MCFD2: variants seen among roughly 807,000 people sequenced by gnomAD.
The protein encoded by MCFD2 is multiple coagulation factor deficiency 2, ER cargo receptor complex subunit.
Under a neutral mutation model 12.8 loss-of-function variants are expected in MCFD2, and 11 were observed. The observed-to-expected ratio is 0.86, with a 90% CI of 0.54 to 1.42. The LOEUF is 1.42. MCFD2 is among the 40% of genes most tolerant of loss of function. The pLI, the probability that MCFD2 is intolerant of heterozygous loss-of-function variation, is 0.00. For missense variants in MCFD2, 191 were observed against 178.6 expected (o/e 1.07, Z -0.40); for synonymous variants, 70 against 68.1 (o/e 1.03, Z -0.14).
At chr2:46,919,706 T>C (rs1668999551), upstream of MCFD2, among the ~76,000 whole-genome samples, 2 of 152,224 alleles carry the variant, frequency 1.3e-5, no homozygotes, top group African/African-American at 4.8e-5. Context: ...GAATTCCTTC[T>C]AACAGGGAGT....
intron 1 of MCFD2, chr2:46,910,720 G>A (rs1449980409): frequency 1.3e-5 from 2 of 152,126 alleles, no homozygotes; most frequent in Non-Finnish European, 2.9e-5. Flanking sequence ...CCTCCTTAAA[G>A]GGGACAATAG....
intron 1 of MCFD2, among the ~76,000 whole-genome samples, chr2:46,924,139 G>C (rs1469513877): frequency 1.3e-5 from 2 of 151,564 alleles, no homozygotes; most frequent in African/African-American, 4.9e-5. Flanking sequence ...AGGAAGTCAA[G>C]GCTGCAGTGA....
At chr2:46,915,806 G>GGGGGGGGGGGGGGCCCCCCCCCCCCCC, upstream of MCFD2, 1 of 512,580 alleles carries the variant, frequency 2.0e-6, no homozygotes, top group Non-Finnish European at 2.1e-6. Context: ...CCTCGGCTTC[G>GGGGGGGGGGGGGGCCCCCCCCCCCCCC]CCCCGCCCCC....
upstream of MCFD2, chr2:46,916,694 G>A (rs1668811124): frequency 6.1e-6 from 1 of 164,632 alleles, no homozygotes; most frequent in Admixed American, 5.9e-5. Flanking sequence ...GAGTGCAGTG[G>A]TGGGATCTCG....
intron 3 of MCFD2, among the ~76,000 whole-genome samples, chr2:46,906,167 CCCACAT>C (rs1302598109): frequency 6.6e-6 from 1 of 152,154 alleles, no homozygotes; most frequent in African/African-American, 2.4e-5. Context: ...TGCCACATCT[CCCACAT>C]TCACCATTCC....
chr2:46,931,341 T>C (rs1250949024), intron 1 of MCFD2, among the ~76,000 whole-genome samples: 1 of 152,276 alleles, frequency 6.6e-6, no homozygotes, highest in Non-Finnish European at 1.5e-5. Flanking sequence ...TCGCCTCAGC[T>C]TCTGAAAGTG....
At chr2:46,932,101 C>T (rs1460345078) in intron 1 of MCFD2, among the ~76,000 whole-genome samples, 4 of 151,572 alleles carry the variant, frequency 2.6e-5, no homozygotes, top group Admixed American at 2.6e-4. Flanking sequence ...ATAGAAAAAA[C>T]TTCCTAAATC....
chr2:46,916,303 G>A, upstream of MCFD2: 1 of 458,364 alleles, frequency 2.2e-6, no homozygotes, highest in Non-Finnish European at 2.9e-6. Context: ...AGATTGGCCT[G>A]CTTCCAGCGT....
chr2:46,941,831 A>C lies in MCFD2; in HGVS notation c.-267T>G, dbSNP rs935899657. 4.2e-6 allele frequency: 6 copies of C among 1,422,542 alleles called. No homozygotes were observed. The African/African-American group carries it at 7.1e-5, about 17-fold the overall frequency. The allele number at this position is 1,422,542 out of a possible 1,614,324, so 88.1% of individuals were successfully genotyped here. On this transcript the variant is annotated 5_prime_UTR_variant, in exon 1 of 3. Coordinates refer to the MCFD2 transcript ENST00000409147. The surrounding 1 kb of genome is among the most constrained non-coding windows in gnomAD (Gnocchi z 4.2). ...CCTCGGCCGACAGCGGGCGCCTGCC[A>C]GCCCACCGTGCTAGTCTTAAGAGCA...
At chr2:46,916,725 C>T (rs1320713284), upstream of MCFD2, 2 of 164,128 alleles carry the variant, frequency 1.2e-5, no homozygotes, top group Admixed American at 6.0e-5. Context: ...ACCTCCGCCT[C>T]CCAGGTTCAA....
At chr2:46,921,213 A>T (rs1163261307) in intron 1 of MCFD2, among the ~76,000 whole-genome samples, 1 of 152,240 alleles carries the variant, frequency 6.6e-6, no homozygotes, top group African/African-American at 2.4e-5. Flanking sequence ...GCAGACTGGG[A>T]AGAAAAAGTA....
At position 46,908,857 on chromosome 2, in the gene MCFD2, A is replaced by G. The variant is rs1212380733; in HGVS notation, c.149+166T>C. The stretch of plus-strand genomic sequence containing the variant: ...ACCTGTGATACAATGATGAAAAAAG[A>G]ATACCTGACTTATAGGTGGCAATAA... On this transcript the variant is annotated intron_variant, in intron 2 of 3. Transcript: ENST00000319466. This position sits in a 1 kb window ranked among gnomAD's most constrained non-coding sequence, Gnocchi z 4.5. The G allele has an allele frequency of 4.5e-6, 4 of 883,190 alleles. No homozygotes were observed. Among genetic ancestry groups the G allele is most frequent in the South Asian group, 4.5e-5 (3 of 66,790 alleles). The allele number at this position is 883,190 out of a possible 1,614,324, so 54.7% of individuals were successfully genotyped here.
intron 1 of MCFD2, among the ~76,000 whole-genome samples, chr2:46,915,445 G>C (rs966788308): frequency 6.6e-6 from 1 of 152,168 alleles, no homozygotes; most frequent in Non-Finnish European, 1.5e-5. Flanking sequence ...ACCCGACACA[G>C]CTGGTCCCAC....
At position 46,905,469 on chromosome 2, in the gene MCFD2, C is replaced by T; in HGVS notation, c.435G>A (p.Leu145=). 5 of 1,612,496 alleles carry T rather than the reference C, an allele frequency of 3.1e-6. No individual in the cohort carries two copies. Among genetic ancestry groups the T allele is most frequent in the Non-Finnish European group, 4.2e-6 (5 of 1,179,928 alleles). ...GGAGATGGCCAAATAACATCTACTG[C>T]AGTGATTTTGCAAATTCAGCATAGT... The part of the protein sequence containing the change: ...YIDYAEFAKS[L]Q The change falls in exon 4 of 4, where the codon CTG becomes CTA. Residue 145 remains leucine (L), a synonymous_variant. Coordinates refer to ENST00000319466, the MANE Select transcript of MCFD2 (RefSeq NM_139279.6).
intron 1 of MCFD2, among the ~76,000 whole-genome samples, chr2:46,921,368 A>G (rs1354348180): frequency 3.9e-5 from 6 of 152,246 alleles, no homozygotes; most frequent in South Asian, 2.1e-4. Flanking sequence ...GCAATAAGCA[A>G]GTAGAAATGG....
chr2:46,913,453 A>G (rs1668567494), intron 1 of MCFD2, among the ~76,000 whole-genome samples: 1 of 152,178 alleles, frequency 6.6e-6, no homozygotes, highest in Non-Finnish European at 1.5e-5. Context: ...GATAGAAAAC[A>G]GGGAATCTAA....
intron 1 of MCFD2, chr2:46,914,237 A>T (rs903988481): frequency 6.6e-6 from 1 of 152,208 alleles, no homozygotes; most frequent in African/African-American, 2.4e-5. Flanking sequence ...CTGGTGTGTC[A>T]TCAGTCCTAT....
chr2:46,926,340 C>G (rs947869103), intron 1 of MCFD2, among the ~76,000 whole-genome samples: 1 of 152,222 alleles, frequency 6.6e-6, no homozygotes, highest in African/African-American at 2.4e-5. Context: ...AAGTGATGCT[C>G]CCTATCCTCA....
chr2:46,911,547 G>C (rs773538976), intron 1 of MCFD2, among the ~76,000 whole-genome samples: 1 of 151,364 alleles, frequency 6.6e-6, no homozygotes, highest in Non-Finnish European at 1.5e-5. Flanking sequence ...AAGCAATAAA[G>C]AATAATACAC....
Sources: allele counts gnomAD v4.1 joint callset (sites outside exome capture counted in the v4.1 genomes callset), GRCh38; gene constraint gnomAD v4.1.1; non-coding constraint Gnocchi (gnomAD v3.1); transcripts MANE v1.5; gene names NCBI Gene and HGNC (gene_info 2026-07-23, HGNC 2026-07-21).